Variants in B4GALT1 observed in about 807,000 individuals in gnomAD.
The protein encoded by B4GALT1 is N-acetyllactosamine synthase.
B4GALT1 carries 16 observed loss-of-function variants against 34.9 expected under a neutral mutation model. The observed-to-expected ratio is 0.46, with a 90% CI of 0.31 to 0.70. B4GALT1 has a LOEUF of 0.70. Ranked by LOEUF, B4GALT1 falls within the 30% of genes least tolerant of loss-of-function variation. The probability of loss-of-function intolerance (pLI) is 0.05; values close to 1 mark genes in which losing one functional copy is unlikely to be tolerated. For synonymous variants in B4GALT1, 221 were observed against 218.1 expected, an observed-to-expected ratio of 1.01 and a Z score of -0.12; for missense variants, 445 against 530.5, an observed-to-expected ratio of 0.84 and a Z score of 1.58.
At chr9:33,169,189 T>C (rs552432545), upstream of B4GALT1, among the ~76,000 whole-genome samples, 84 of 152,346 alleles carry the variant, frequency 5.5e-4, no homozygotes, top group South Asian at 0.015. Flanking sequence ...CAGGAAATCT[T>C]TGTAAGCATA....
At chr9:33,116,134 CAGA>C (rs754906611) in intron 3 of B4GALT1, 21 bp from the exon 4 acceptor site, 6 of 1,610,132 alleles carry the variant, frequency 3.7e-6, no homozygotes, top group Non-Finnish European at 5.1e-6. Context: ...AACATACACA[CAGA>C]AGGAGCAGTG....
intron 2 of B4GALT1, among the ~76,000 whole-genome samples, chr9:33,130,327 T>TC (rs1275176722): frequency 6.6e-6 from 1 of 152,094 alleles, no homozygotes; most frequent in Non-Finnish European, 1.5e-5. Flanking sequence ...GCAGCATGCA[T>TC]CCCTGTTTGC....
downstream of B4GALT1, chr9:33,108,607 A>C (rs17247766): frequency 0.041 from 6,252 of 152,188 alleles, 158 homozygotes; most frequent in Non-Finnish European, 0.062. Flanking sequence ...TATGCATGTT[A>C]GTGTGTAGGC....
intron 1 of B4GALT1, among the ~76,000 whole-genome samples, chr9:33,164,501 A>ATCC (rs1840719768): frequency 2.0e-5 from 3 of 152,206 alleles, no homozygotes; most frequent in African/African-American, 7.2e-5. Context: ...TGCATGTCAC[A>ATCC]TGAAAGCAGC....
chr9:33,150,855 T>C (rs1046251980), intron 1 of B4GALT1, among the ~76,000 whole-genome samples: 4 of 152,094 alleles, frequency 2.6e-5, no homozygotes, highest in Admixed American at 2.6e-4. Context: ...GTGATATACC[T>C]GGGAAATAGA....
At chr9:33,160,859 T>G (rs924401280) in intron 1 of B4GALT1, among the ~76,000 whole-genome samples, 1 of 152,176 alleles carries the variant, frequency 6.6e-6, no homozygotes, top group Non-Finnish European at 1.5e-5. Flanking sequence ...TGATAGGAAT[T>G]TGGGTGTGCT....
At chr9:33,106,157 T>A (rs1389674177), downstream of B4GALT1, among the ~76,000 whole-genome samples, 7 of 152,214 alleles carry the variant, frequency 4.6e-5, no homozygotes, top group Admixed American at 2.0e-4. Flanking sequence ...AATTTCTGCA[T>A]ATCTTTGCCA....
At chr9:33,119,152 G>A (rs1377121049) in intron 3 of B4GALT1, among the ~76,000 whole-genome samples, 1 of 152,166 alleles carries the variant, frequency 6.6e-6, no homozygotes, top group Non-Finnish European at 1.5e-5. Context: ...ACGAGCCACT[G>A]CACCTGGCCA....
intron 1 of B4GALT1, among the ~76,000 whole-genome samples, chr9:33,145,447 G>A (rs1420082435): frequency 2.0e-5 from 3 of 152,158 alleles, no homozygotes; most frequent in East Asian, 1.9e-4. Context: ...TGGTCACTCA[G>A]CCCAGGATGC....
chr9:33,158,559 G>A (rs12343079), intron 1 of B4GALT1, among the ~76,000 whole-genome samples: 3,536 of 152,240 alleles, frequency 0.023, 62 homozygotes, highest in Middle Eastern at 0.061. Flanking sequence ...CTTTCCACAT[G>A]ACAGCAAGTA....
the B4GALT1 span, chr9:33,179,379 A>G: frequency 6.6e-6 from 1 of 152,222 alleles, no homozygotes; most frequent in Non-Finnish European, 1.5e-5. Context: ...AGCATCAGAG[A>G]GAATATGGAA....
At chr9:33,182,238 C>A in the B4GALT1 span, among the ~76,000 whole-genome samples, 1 of 152,198 alleles carries the variant, frequency 6.6e-6, no homozygotes, top group Non-Finnish European at 1.5e-5. Context: ...ACATGGCCTT[C>A]TCTCTGCCTA....
chr9:33,171,367 C>T (rs1840838718), upstream of B4GALT1, among the ~76,000 whole-genome samples: 1 of 152,210 alleles, frequency 6.6e-6, no homozygotes, highest in South Asian at 2.1e-4. Context: ...CCACAAAGGA[C>T]TCTCCATGTG....
chr9:33,174,733 GATCA>G, the B4GALT1 span, among the ~76,000 whole-genome samples: 1 of 150,472 alleles, frequency 6.6e-6, no homozygotes, highest in Non-Finnish European at 1.5e-5. Context: ...AAGACAGGCA[GATCA>G]CTTGAGGCCA....
At chr9:33,162,502 TATCCATACA>T (rs1334187046) in intron 1 of B4GALT1, among the ~76,000 whole-genome samples, 1 of 152,176 alleles carries the variant, frequency 6.6e-6, no homozygotes, top group Non-Finnish European at 1.5e-5. Flanking sequence ...CCGTCACGGA[TATCCATACA>T]AGATCACCAT....
At chr9:33,118,162 A>C (rs1226657682) in intron 3 of B4GALT1, among the ~76,000 whole-genome samples, 1 of 152,206 alleles carries the variant, frequency 6.6e-6, no homozygotes, top group African/African-American at 2.4e-5. Flanking sequence ...GAAGGGTGAA[A>C]GCGGGGACGG....
chr9:33,116,763 T>C (rs1201707581), intron 3 of B4GALT1, among the ~76,000 whole-genome samples: 2 of 148,124 alleles, frequency 1.4e-5, no homozygotes, highest in African/African-American at 4.9e-5. Flanking sequence ...CCTCAGGTGA[T>C]CCACCCACCT....
chr9:33,149,531 C>T (rs1157048411), intron 1 of B4GALT1, among the ~76,000 whole-genome samples: 2 of 152,084 alleles, frequency 1.3e-5, no homozygotes, highest in African/African-American at 4.8e-5. Flanking sequence ...GCAATTTGCC[C>T]GCCTCAGCCT....
chr9:33,145,717 A>G lies in B4GALT1; in HGVS notation c.413-10293T>C, dbSNP rs969920591. ...CTAACTTCCCCTTAAATAATCTTCC[A>G]GGGTTCTGATATTCCTGGATGCATC... On this transcript the variant is annotated intron_variant, in intron 1 of 5. Coordinates refer to ENST00000379731, the MANE Select transcript of B4GALT1 (RefSeq NM_001497.4). 2.0e-5 allele frequency among the ~76,000 whole-genome samples: 3 copies of G among 152,200 alleles called. No homozygotes were observed. In the East Asian group the frequency reaches 5.8e-4, roughly 29 times the overall value.
Sources: allele counts gnomAD v4.1 joint callset (sites outside exome capture counted in the v4.1 genomes callset), GRCh38; gene constraint gnomAD v4.1.1; transcripts MANE v1.5; gene names NCBI Gene and HGNC (gene_info 2026-07-23, HGNC 2026-07-21).